Variants in XRCC4 observed in about 807,000 individuals in gnomAD.
The protein encoded by XRCC4 is X-ray repair cross complementing 4.
In XRCC4, 28 loss-of-function variants were observed where a neutral mutation model predicts 39.1. The ratio of observed to expected loss-of-function variants is 0.72; its 90% CI spans 0.53 to 0.98. XRCC4 has a LOEUF of 0.98. XRCC4 is among the 50% of genes least tolerant of loss of function. The pLI is 0.00. For missense variants in XRCC4, 350 were observed against 376.4 expected (o/e 0.93, Z 0.58); for synonymous variants, 123 against 126.4 (o/e 0.97, Z 0.18).
At chr5:83,171,891 A>G (rs1456034223) in intron 3 of XRCC4, among the ~76,000 whole-genome samples, 1 of 152,162 alleles carries the variant, frequency 6.6e-6, no homozygotes, top group East Asian at 1.9e-4. Context: ...TCTAACACAT[A>G]CTATTGATTT....
chr5:83,127,553 G>GT (rs1437097964), intron 3 of XRCC4, among the ~76,000 whole-genome samples: 2 of 150,188 alleles, frequency 1.3e-5, no homozygotes, highest in African/African-American at 2.4e-5. Flanking sequence ...AACCGTTTTT[G>GT]TTTTTGTTTT....
At chr5:83,200,176 A>T (rs1751125619) in intron 4 of XRCC4, among the ~76,000 whole-genome samples, 1 of 152,134 alleles carries the variant, frequency 6.6e-6, no homozygotes, top group Non-Finnish European at 1.5e-5. Flanking sequence ...GATACGACAT[A>T]CCTCTTAGTT....
intron 4 of XRCC4, among the ~76,000 whole-genome samples, chr5:83,202,974 C>T (rs1179135919): frequency 6.6e-6 from 1 of 152,008 alleles, no homozygotes; most frequent in Non-Finnish European, 1.5e-5. Flanking sequence ...TTATTAATCT[C>T]TCCTTGAATA....
chr5:83,162,422 A>G (rs1461811348), intron 3 of XRCC4, among the ~76,000 whole-genome samples: 3 of 152,104 alleles, frequency 2.0e-5, no homozygotes, highest in Non-Finnish European at 2.9e-5. Flanking sequence ...AAAGAAATGC[A>G]TTTTATTTCC....
At chr5:83,325,796 A>T (rs1229981016) in intron 7 of XRCC4, among the ~76,000 whole-genome samples, 1 of 152,014 alleles carries the variant, frequency 6.6e-6, no homozygotes, top group African/African-American at 2.4e-5. Flanking sequence ...TTATAATAGA[A>T]TTATTCTATT....
At chr5:83,103,150 GC>G (rs1746033297) in intron 1 of XRCC4, among the ~76,000 whole-genome samples, 1 of 151,596 alleles carries the variant, frequency 6.6e-6, no homozygotes, top group South Asian at 2.1e-4. Context: ...ATTTAAACAT[GC>G]GTGTCTGTGG....
At chr5:83,180,752 C>T (rs1241859837) in intron 3 of XRCC4, among the ~76,000 whole-genome samples, 1 of 152,066 alleles carries the variant, frequency 6.6e-6, no homozygotes, top group African/African-American at 2.4e-5. Context: ...GTCATTCATT[C>T]TATTCTTGCC....
At chr5:83,156,834 G>C (rs765353296) in intron 3 of XRCC4, among the ~76,000 whole-genome samples, 1 of 152,038 alleles carries the variant, frequency 6.6e-6, no homozygotes, top group African/African-American at 2.4e-5. Flanking sequence ...TTTTAGGAGA[G>C]GTTGCTAGAG....
intron 3 of XRCC4, among the ~76,000 whole-genome samples, chr5:83,168,373 T>G (rs1749579329): frequency 6.6e-6 from 1 of 152,222 alleles, no homozygotes; most frequent in African/African-American, 2.4e-5. Context: ...TCAAAATACA[T>G]AAAGCAACAA....
rs116104070 is a variant in XRCC4, at chr5:83,252,686, T to C, written c.746-5844T>C. 4.6e-3 allele frequency among the ~76,000 whole-genome samples: 695 copies of C among 152,290 alleles called. 2 individuals are homozygous for C. Among genetic ancestry groups the C allele is most frequent in the African/African-American group, 0.016 (664 of 41,560 alleles). ...TCTCAGAAATTGTGGTTTATATACA[T>C]TTTCTCAGCTGAGAAACTTAGAGAT... On this transcript the variant is annotated intron_variant, in intron 6 of 7. Transcript: ENST00000396027.
intron 7 of XRCC4, among the ~76,000 whole-genome samples, chr5:83,349,466 A>G (rs779048879): frequency 1.3e-5 from 2 of 152,242 alleles, no homozygotes; most frequent in Non-Finnish European, 2.9e-5. Context: ...TGCCATAGAT[A>G]TAAAAGCTCA....
intron 7 of XRCC4, among the ~76,000 whole-genome samples, chr5:83,337,916 G>C (rs1394341652): frequency 6.6e-6 from 1 of 152,118 alleles, no homozygotes; most frequent in Non-Finnish European, 1.5e-5. Context: ...TTCTCTCCCG[G>C]AAGAGTCGTG....
chr5:83,327,136 T>C (rs113514892), intron 7 of XRCC4, among the ~76,000 whole-genome samples: 1 of 152,078 alleles, frequency 6.6e-6, no homozygotes, highest in African/African-American at 2.4e-5. Context: ...TTTGACAAAT[T>C]TATATAGTCA....
intron 7 of XRCC4, among the ~76,000 whole-genome samples, chr5:83,276,334 C>G (rs956785875): frequency 4.6e-5 from 7 of 152,022 alleles, no homozygotes; most frequent in Non-Finnish European, 2.9e-5. Flanking sequence ...TTGTTTCTTC[C>G]AAAATCCATG....
chr5:83,335,335 T>C (rs2112180779), intron 7 of XRCC4, among the ~76,000 whole-genome samples: 2 of 151,906 alleles, frequency 1.3e-5, no homozygotes, highest in South Asian at 4.1e-4. Context: ...AGAATAATAA[T>C]TACTTATAAT....
chr5:83,345,721 C>A (rs1756899743), intron 7 of XRCC4, among the ~76,000 whole-genome samples: 1 of 152,034 alleles, frequency 6.6e-6, no homozygotes, highest in African/African-American at 2.4e-5. Flanking sequence ...CGTAGTGATA[C>A]CATTTTAAAC....
chr5:83,149,570 A>G (rs2112548080), intron 3 of XRCC4, among the ~76,000 whole-genome samples: 2 of 152,152 alleles, frequency 1.3e-5, no homozygotes, highest in East Asian at 3.8e-4. Context: ...GCAGTGATCA[A>G]AGAAGTTGCA....
chr5:83,287,350 C>G (rs1161495398), intron 7 of XRCC4, among the ~76,000 whole-genome samples: 1 of 151,964 alleles, frequency 6.6e-6, no homozygotes, highest in African/African-American at 2.4e-5. Context: ...AACCCAATAT[C>G]CTAGTGTAAC....
intron 4 of XRCC4, among the ~76,000 whole-genome samples, chr5:83,196,739 GATA>G (rs1178366520): frequency 1.3e-5 from 2 of 151,186 alleles, no homozygotes; most frequent in East Asian, 1.9e-4. Context: ...ATATAATAAT[GATA>G]ATAATTATTA....
Sources: gnomAD v4.1 joint callset for allele counts (sites outside exome capture counted in the v4.1 genomes callset) on GRCh38, gnomAD v4.1.1 for gene constraint, MANE v1.5 for transcripts, NCBI Gene and HGNC (gene_info 2026-07-23, HGNC 2026-07-21) for gene names.